Variants in ZNF100 observed in about 807,000 individuals in gnomAD.
ZNF100 encodes the protein zinc finger protein 100 (Y1).
ZNF100 carries 12 observed loss-of-function variants against 15.8 expected under a neutral mutation model. The ratio of observed to expected loss-of-function variants is 0.76; its 90% CI spans 0.49 to 1.23. The LOEUF (loss-of-function observed/expected upper bound fraction) is 1.23, where lower values mean the gene tolerates loss of function less well. Ranked by LOEUF, ZNF100 falls within the 50% of genes most tolerant of loss-of-function variation. The pLI, the probability that ZNF100 is intolerant of heterozygous loss-of-function variation, is 0.00. For missense variants in ZNF100, 670 were observed against 635.6 expected (o/e 1.05, Z -0.58); for synonymous variants, 226 against 214.8 (o/e 1.05, Z -0.45).
Position 21,767,546 on chromosome 19 carries a change from A to C in ZNF100, c.-117T>G. ...GAAGACACAGAGAAGTGAGAGCAAA[A>C]CCTGGAGCTCCGGCTACAGCGAGAG... is the stretch of plus-strand genomic sequence containing the variant. On this transcript the variant is annotated 5_prime_UTR_variant, in exon 1 of 5. Transcript: ENST00000358296. 1 of 1,451,196 alleles carries C rather than the reference A, an allele frequency of 6.9e-7. No homozygotes were observed. The highest frequency in any genetic ancestry group is 9.4e-7 in the Non-Finnish European group (1 of 1,068,040). The allele number at this position is 1,451,196 out of a possible 1,614,324, so 89.9% of individuals were successfully genotyped here.
intron 4 of ZNF100, among the ~76,000 whole-genome samples, chr19:21,741,591 T>TA (rs1232063756): frequency 6.6e-6 from 1 of 152,102 alleles, no homozygotes; most frequent in African/African-American, 2.4e-5. Context: ...GTCAGGCTGC[T>TA]CTTGAACTCC....
At chr19:21,741,625 T>A (rs1276003820) in intron 4 of ZNF100, among the ~76,000 whole-genome samples, 1 of 151,952 alleles carries the variant, frequency 6.6e-6, no homozygotes, top group Admixed American at 6.6e-5. Context: ...TCTGCCCACC[T>A]CAGCATCTCA....
Position 21,743,897 on chromosome 19 carries a change from G to A in ZNF100, c.322+120C>T, listed in dbSNP as rs539363940. 5.9e-5 allele frequency: 58 copies of A among 983,108 alleles called. No homozygotes were observed. The East Asian group carries it at 1.6e-3, about 27-fold the overall frequency. 60.9% of individuals were successfully genotyped at this position (983,108 alleles called of 1,614,324 possible). On this transcript the variant is annotated intron_variant, in intron 4 of 4. Coordinates refer to ENST00000358296, the MANE Select transcript of ZNF100 (RefSeq NM_173531.4). ...AAAGCCCAAAAAACAAAAACACTCA[G>A]GCATCCCAGAAACTATTTCCTTTGG...
intron 2 of ZNF100, chr19:21,746,845 CCT>C (rs752103547): frequency 7.2e-5 from 11 of 151,994 alleles, no homozygotes; most frequent in African/African-American, 1.2e-4. Flanking sequence ...CATCATTTTT[CCT>C]CTTTCTCCTT....
chr19:21,745,396 A>G (rs1248859240), intron 2 of ZNF100, among the ~76,000 whole-genome samples: 3 of 152,216 alleles, frequency 2.0e-5, no homozygotes, highest in Non-Finnish European at 4.4e-5. Flanking sequence ...TTTTTCAGAC[A>G]AAAAAGAGAT....
intron 2 of ZNF100, among the ~76,000 whole-genome samples, chr19:21,759,052 C>A (rs2036437614): frequency 6.6e-6 from 1 of 152,188 alleles, no homozygotes; most frequent in South Asian, 2.1e-4. Flanking sequence ...TGACACCATG[C>A]AGAGTCAGCA....
At chr19:21,766,444 C>A (rs1232623385) in intron 1 of ZNF100, among the ~76,000 whole-genome samples, 5 of 133,978 alleles carry the variant, frequency 3.7e-5, no homozygotes, top group African/African-American at 1.4e-4. Context: ...AACTCAGGTG[C>A]ATTTTTTTTT....
intron 2 of ZNF100, 88 bp from the exon 3 acceptor site, chr19:21,745,155 G>A (rs1321782824): frequency 2.0e-6 from 3 of 1,524,322 alleles, no homozygotes; most frequent in African/African-American, 1.4e-5. Context: ...AAATGACAGA[G>A]CAAAGAGAAT....
chr19:21,745,608 C>T (rs1272264714), intron 2 of ZNF100, among the ~76,000 whole-genome samples: 4 of 151,832 alleles, frequency 2.6e-5, no homozygotes, highest in Non-Finnish European at 5.9e-5. Context: ...CTGCAAGCTC[C>T]GCTTCCTGGG....
rs556628009 is a variant in ZNF100, at chr19:21,723,813, A to G, written c.*2870T>C. 51 of 152,356 alleles carry G rather than the reference A, an allele frequency of 3.3e-4. No individual in the cohort carries two copies. Among genetic ancestry groups the G allele is most frequent in the African/African-American group, 1.2e-3 (48 of 41,590 alleles). The allele number at this position is 152,356 out of a possible 1,614,324, so 9.4% of individuals were successfully genotyped here. On this transcript the variant is annotated 3_prime_UTR_variant, in exon 5 of 5. Transcript: ENST00000358296. Reference sequence around the variant, plus strand: ...GACTTATAAAGCTTCCCTAGTACTTACCTGAACAAATTGACTCAATAAATA... The same window carrying G: ...GACTTATAAAGCTTCCCTAGTACTTGCCTGAACAAATTGACTCAATAAATA...
At chr19:21,766,576 C>T (rs1328354856) in intron 1 of ZNF100, among the ~76,000 whole-genome samples, 2 of 152,046 alleles carry the variant, frequency 1.3e-5, no homozygotes, top group Non-Finnish European at 2.9e-5. Flanking sequence ...GTTACTGTAA[C>T]CAATTACTAA....
chr19:21,736,985 A>G (rs1599383440), intron 4 of ZNF100, among the ~76,000 whole-genome samples: 1 of 152,098 alleles, frequency 6.6e-6, no homozygotes, highest in East Asian at 1.9e-4. Flanking sequence ...CTAAAAGGAA[A>G]AGAGAACCAA....
rs1464749297 is a variant in ZNF100, at chr19:21,725,171, A to G, written c.*1512T>C. On this transcript the variant is annotated 3_prime_UTR_variant, in exon 5 of 5. Transcript: ENST00000358296. Reference sequence around the variant, plus strand: ...AGATGTTAATCCATTATGTTACCAAATAGTATACTGTTACCATGTTTTACG... The same window carrying G: ...AGATGTTAATCCATTATGTTACCAAGTAGTATACTGTTACCATGTTTTACG... 2 of 152,216 alleles carry G rather than the reference A, an allele frequency of 1.3e-5. No individual in the cohort carries two copies. The highest frequency in any genetic ancestry group is 3.8e-4 in the East Asian group (2 of 5,202). The allele number at this position is 152,216 out of a possible 1,614,324, so 9.4% of individuals were successfully genotyped here.
Position 21,726,802 on chromosome 19 carries a change from T to A in ZNF100, c.1510A>T (p.Lys504Ter). 1 of 1,613,886 alleles carries A rather than the reference T, an allele frequency of 6.2e-7. No homozygotes were observed. The highest frequency in any genetic ancestry group is 1.1e-5 in the South Asian group (1 of 91,074). Residue 504 changes from lysine (K) to a stop codon, truncating the protein, a stop_gained, in exon 5 of 5, where the codon AAG becomes TAG. Coordinates refer to ENST00000358296, the MANE Select transcript of ZNF100 (RefSeq NM_173531.4). LOFTEE classifies it low-confidence loss of function (END_TRUNC). ...GATTTCTCTCCAGTATGAGTTATCTTATGTTTAGTAAGGGTTGAGGATCGG... is the reference window on the plus strand; with the variant it reads ...GATTTCTCTCCAGTATGAGTTATCTAATGTTTAGTAAGGGTTGAGGATCGG... ...FNRSSTLTKH[K>*]ITHTGEKSYK...
At chr19:21,753,991 T>C (rs760059532) in intron 2 of ZNF100, among the ~76,000 whole-genome samples, 5 of 152,222 alleles carry the variant, frequency 3.3e-5, no homozygotes, top group African/African-American at 4.8e-5. Flanking sequence ...AGGAGACTGA[T>C]AATGCCATCT....
intron 4 of ZNF100, among the ~76,000 whole-genome samples, chr19:21,742,165 C>T (rs1278848306): frequency 6.6e-6 from 1 of 151,932 alleles, no homozygotes; most frequent in Admixed American, 6.6e-5. Context: ...GGCGTGGTGG[C>T]GGGCACCTAC....
At position 21,725,840 on chromosome 19, in the gene ZNF100, T is replaced by C. The variant is rs1223298842; in HGVS notation, c.*843A>G. Reference sequence around the variant, plus strand: ...ATACCTGAAGCATCAGTGCCTTACATATTTCTACTGTAAATTCTCTGATAT... The same window carrying C: ...ATACCTGAAGCATCAGTGCCTTACACATTTCTACTGTAAATTCTCTGATAT... On this transcript the variant is annotated 3_prime_UTR_variant, in exon 5 of 5. Transcript: ENST00000358296. 1 of 151,876 alleles carries C rather than the reference T, an allele frequency of 6.6e-6. No individual in the cohort carries two copies. The highest frequency in any genetic ancestry group is 6.6e-5 in the Admixed American group (1 of 15,256). The allele number at this position is 151,876 out of a possible 1,614,324, so 9.4% of individuals were successfully genotyped here.
At position 21,751,243 on chromosome 19, in the gene ZNF100, A is replaced by T. The variant is rs921343919; in HGVS notation, c.97-6176T>A. 3.3e-6 allele frequency: 4 copies of T among 1,227,654 alleles called. No homozygotes were observed. The African/African-American group carries it at 5.9e-5, about 18-fold the overall frequency. The allele number at this position is 1,227,654 out of a possible 1,614,324, so 76.0% of individuals were successfully genotyped here. A position where few individuals can be genotyped will look rare whatever the true frequency, so the allele number is the denominator to read the frequency against. On this transcript the variant is annotated intron_variant, in intron 2 of 4. Coordinates refer to ENST00000358296, the MANE Select transcript of ZNF100 (RefSeq NM_173531.4). ...AATATTTCTAGGTGACAGAACAGTC[A>T]GCCAGCCTAACCTTAGAACCACAGT...
At chr19:21,730,865 A>G (rs1234173332) in intron 4 of ZNF100, among the ~76,000 whole-genome samples, 1 of 152,220 alleles carries the variant, frequency 6.6e-6, no homozygotes, top group South Asian at 2.1e-4. Context: ...TTACAAATAT[A>G]TGGAAATTAA....
Sources: allele counts gnomAD v4.1 joint callset (sites outside exome capture counted in the v4.1 genomes callset), GRCh38; gene constraint gnomAD v4.1.1; transcripts MANE v1.5; gene names NCBI Gene and HGNC (gene_info 2026-07-23, HGNC 2026-07-21).